MRPS28: variants seen among roughly 807,000 people sequenced by gnomAD.
MRPS28 encodes mitochondrial ribosomal protein S28, also known as small ribosomal subunit protein bS1m.
A neutral mutation model predicts 10.8 loss-of-function variants in MRPS28; 7 were observed. The observed-to-expected ratio is 0.65, with a 90% CI of 0.37 to 1.22. The LOEUF (loss-of-function observed/expected upper bound fraction) is 1.22, where lower values mean the gene tolerates loss of function less well. Among genes scored for constraint, MRPS28 ranks in the 50% most tolerant of loss-of-function variants. The pLI is 0.02. For missense variants in MRPS28, 265 were observed against 232.9 expected, an observed-to-expected ratio of 1.14 and a Z score of -0.90; for synonymous variants, 121 against 93.3, an observed-to-expected ratio of 1.30 and a Z score of -1.71.
At chr8:80,003,906 G>C (rs1366093231) in intron 1 of MRPS28, among the ~76,000 whole-genome samples, 1 of 152,214 alleles carries the variant, frequency 6.6e-6, no homozygotes, top group Non-Finnish European at 1.5e-5. Context: ...AGCAGTCTGA[G>C]ATCAAACTGC....
At chr8:79,943,470 G>C (rs1193811938) in intron 2 of MRPS28, among the ~76,000 whole-genome samples, 1 of 152,110 alleles carries the variant, frequency 6.6e-6, no homozygotes, top group Non-Finnish European at 1.5e-5. Context: ...CTGATTTCTA[G>C]TTTCAGTAAA....
chr8:80,019,408 AT>A (rs956902179), intron 1 of MRPS28, among the ~76,000 whole-genome samples: 85 of 151,192 alleles, frequency 5.6e-4, no homozygotes, highest in African/African-American at 1.8e-3. Context: ...ACATGGTCGT[AT>A]TTCATTTCGT....
chr8:79,947,629 GTTTTTTT>G (rs767221360), intron 2 of MRPS28, among the ~76,000 whole-genome samples: 1 of 109,238 alleles, frequency 9.2e-6, no homozygotes, highest in Non-Finnish European at 1.8e-5. Flanking sequence ...AATATATTAA[GTTTTTTT>G]TTTTTTTTTT....
At chr8:79,925,839 T>C (rs1810217226) in intron 2 of MRPS28, among the ~76,000 whole-genome samples, 1 of 151,686 alleles carries the variant, frequency 6.6e-6, no homozygotes, top group Admixed American at 6.6e-5. Context: ...ATACAGAAAT[T>C]AGCTAGGCAT....
intron 2 of MRPS28, among the ~76,000 whole-genome samples, chr8:79,993,844 T>TAC (rs1279479812): frequency 1.1e-4 from 16 of 152,328 alleles, no homozygotes; most frequent in Admixed American, 6.5e-4. Flanking sequence ...ACATCCAACA[T>TAC]ACATTCCACT....
chr8:79,991,909 GCTCTCTCTCTCTCTCTCTCTCTCTCTCT>G (rs33936648), intron 2 of MRPS28, among the ~76,000 whole-genome samples: 2,278 of 133,124 alleles, frequency 0.017, 34 homozygotes, highest in Non-Finnish European at 0.026. Context: ...CTTCCTCCTT[GCTCTCTCTCTCTCTCTCTCTCTCTCTCT>G]CTCTCTCTCT....
At chr8:79,981,988 G>A (rs1202060617) in intron 2 of MRPS28, among the ~76,000 whole-genome samples, 1 of 152,124 alleles carries the variant, frequency 6.6e-6, no homozygotes, top group Non-Finnish European at 1.5e-5. Context: ...GCTCATGCCT[G>A]TAATCCCAGC....
chr8:80,019,201 TTTGA>T (rs1456641576), intron 1 of MRPS28, among the ~76,000 whole-genome samples: 1 of 151,392 alleles, frequency 6.6e-6, no homozygotes, highest in East Asian at 1.9e-4. Flanking sequence ...AAGAGTTTAA[TTTGA>T]TTGTTAACAC....
chr8:79,931,974 C>T (rs1362566645), intron 2 of MRPS28, among the ~76,000 whole-genome samples: 2 of 152,164 alleles, frequency 1.3e-5, no homozygotes, highest in African/African-American at 4.8e-5. Context: ...CAGCAGGGCC[C>T]AAGTGACTGA....
At chr8:79,956,515 T>C (rs1056095595) in intron 2 of MRPS28, 1 of 152,168 alleles carries the variant, frequency 6.6e-6, no homozygotes, top group African/African-American at 2.4e-5. Flanking sequence ...GGGGTACACA[T>C]GAAGGTTTGT....
intron 2 of MRPS28, among the ~76,000 whole-genome samples, chr8:79,994,800 T>C (rs1808458028): frequency 6.6e-6 from 1 of 152,138 alleles, no homozygotes; most frequent in South Asian, 2.1e-4. Context: ...GTAAATTCCT[T>C]GAAAATCTGG....
At chr8:79,932,537 G>A (rs886205194) in intron 2 of MRPS28, among the ~76,000 whole-genome samples, 6 of 152,228 alleles carry the variant, frequency 3.9e-5, no homozygotes, top group Admixed American at 6.5e-5. Context: ...GGCAGGCCAT[G>A]TAAGGCTTCA....
At chr8:79,924,111 G>C (rs1335592338) in intron 2 of MRPS28, among the ~76,000 whole-genome samples, 1 of 152,246 alleles carries the variant, frequency 6.6e-6, no homozygotes, top group East Asian at 1.9e-4. Context: ...AATACTGTGA[G>C]GAATTCTGAC....
intron 1 of MRPS28, among the ~76,000 whole-genome samples, chr8:80,014,281 T>A (rs1477979736): frequency 6.6e-6 from 1 of 152,158 alleles, no homozygotes; most frequent in East Asian, 1.9e-4. Context: ...GCATGTATTA[T>A]CCTGTCAAAA....
chr8:79,984,854 T>C (rs929150660), intron 2 of MRPS28, among the ~76,000 whole-genome samples: 7 of 152,074 alleles, frequency 4.6e-5, no homozygotes, highest in Non-Finnish European at 5.9e-5. Flanking sequence ...CAGTCAACAT[T>C]AGACAGATCA....
intron 2 of MRPS28, among the ~76,000 whole-genome samples, chr8:79,939,103 G>A (rs1311190238): frequency 6.6e-6 from 1 of 152,164 alleles, no homozygotes; most frequent in Non-Finnish European, 1.5e-5. Flanking sequence ...ACTGGGTTTA[G>A]TTACCTCACC....
intron 2 of MRPS28, among the ~76,000 whole-genome samples, chr8:79,969,770 T>G (rs903904200): frequency 1.3e-5 from 2 of 151,996 alleles, no homozygotes; most frequent in African/African-American, 4.8e-5. Flanking sequence ...CAAATTACGG[T>G]TATGTAAGGT....
intron 2 of MRPS28, among the ~76,000 whole-genome samples, chr8:79,949,264 A>C (rs1031831948): frequency 6.6e-6 from 1 of 152,116 alleles, no homozygotes; most frequent in Non-Finnish European, 1.5e-5. Context: ...AATACAAAAA[A>C]TTAGCCAGGC....
intron 2 of MRPS28, among the ~76,000 whole-genome samples, chr8:79,963,551 A>G (rs182741843): frequency 1.3e-5 from 2 of 152,254 alleles, no homozygotes; most frequent in African/African-American, 4.8e-5. Context: ...CTCATTCGCA[A>G]CTTCGACCCT....
Sources: allele counts gnomAD v4.1 joint callset (sites outside exome capture counted in the v4.1 genomes callset), GRCh38; gene constraint gnomAD v4.1.1; transcripts MANE v1.5; gene names NCBI Gene and HGNC (gene_info 2026-07-23, HGNC 2026-07-21).